PRKAG2: variants seen among roughly 807,000 people sequenced by gnomAD.
PRKAG2 encodes protein kinase AMP-activated non-catalytic subunit gamma 2.
Under a neutral mutation model 69.6 loss-of-function variants are expected in PRKAG2, and 26 were observed. The observed-to-expected ratio is 0.37, with a 90% CI of 0.27 to 0.52. The LOEUF is 0.52. Ranked by LOEUF, PRKAG2 falls within the 20% of genes least tolerant of loss-of-function variation. PRKAG2 has a pLI of 0.90. For missense variants in PRKAG2, 557 were observed against 740.0 expected, an observed-to-expected ratio of 0.75 and a Z score of 2.87; for synonymous variants, 293 against 285.0, an observed-to-expected ratio of 1.03 and a Z score of -0.28.
At position 151,558,521 on chromosome 7, in the gene PRKAG2, G is replaced by A. The variant is rs768216756; in HGVS notation, c.1679-1289C>T. On this transcript the variant is annotated intron_variant, in intron 15 of 15. Coordinates refer to ENST00000287878, the MANE Select transcript of PRKAG2 (RefSeq NM_016203.4). ...AGCGACTTGCTTACATTCAGACAGC[G>A]CTCGGGTGGGACAGCTGGGACTTGG... is the stretch of plus-strand genomic sequence containing the variant. 395 of 952,134 alleles carry A rather than the reference G, an allele frequency of 4.1e-4. 1 individual carries two copies. The highest frequency in any genetic ancestry group is 4.6e-4 in the Non-Finnish European group (370 of 799,610). 59.0% of individuals were successfully genotyped at this position (952,134 alleles called of 1,614,324 possible). A position where few individuals can be genotyped will look rare whatever the true frequency, so the allele number is the denominator to read the frequency against.
intron 1 of PRKAG2, among the ~76,000 whole-genome samples, chr7:151,858,868 G>T (rs2079848888): frequency 6.6e-6 from 1 of 152,156 alleles, no homozygotes. Flanking sequence ...AACGGAACAC[G>T]AATTCTGCCC....
At chr7:151,830,972 A>G (rs2079013532) in intron 1 of PRKAG2, among the ~76,000 whole-genome samples, 2 of 151,940 alleles carry the variant, frequency 1.3e-5, no homozygotes, top group Non-Finnish European at 2.9e-5. Flanking sequence ...ACCAATAAGT[A>G]TATGAAGATA....
chr7:151,721,836 A>G (rs561936108), intron 3 of PRKAG2, among the ~76,000 whole-genome samples: 135 of 152,210 alleles, frequency 8.9e-4, no homozygotes, highest in African/African-American at 3.1e-3. Flanking sequence ...CAGGTCCCTT[A>G]GTTCCCATGG....
intron 5 of PRKAG2, among the ~76,000 whole-genome samples, chr7:151,612,262 C>T (rs1819055170): frequency 6.6e-6 from 1 of 152,214 alleles, no homozygotes; most frequent in South Asian, 2.1e-4. Context: ...CCGCTGAGTG[C>T]ACTGCAGAGT....
intron 3 of PRKAG2, 69 bp from the exon 4 acceptor site, chr7:151,675,706 G>A: frequency 6.9e-7 from 1 of 1,452,104 alleles, no homozygotes; most frequent in Non-Finnish European, 9.6e-7. Flanking sequence ...GTGGTCAGAG[G>A]TCTGGTCTCC....
intron 3 of PRKAG2, among the ~76,000 whole-genome samples, chr7:151,680,336 G>C (rs1271871798): frequency 6.6e-6 from 1 of 152,198 alleles, no homozygotes; most frequent in Non-Finnish European, 1.5e-5. Context: ...GATAAATCAT[G>C]GCCCATCTGC....
intron 1 of PRKAG2, among the ~76,000 whole-genome samples, chr7:151,871,546 G>A (rs1376011487): frequency 1.3e-5 from 2 of 152,210 alleles, no homozygotes; most frequent in South Asian, 2.1e-4. Context: ...AAAGGCTGAA[G>A]CCAAGCAAGG....
At chr7:151,558,745 T>C (rs1804305357) in intron 15 of PRKAG2, 15 of 985,268 alleles carry the variant, frequency 1.5e-5, no homozygotes, top group Non-Finnish European at 1.8e-5. Context: ...TATGGTAACA[T>C]ACATTCCAAA....
rs547341474 is a variant in PRKAG2, at chr7:151,638,848, A to T, written c.685-6710T>A. On this transcript the variant is annotated intron_variant, in intron 4 of 15. Coordinates refer to ENST00000287878, the MANE Select transcript of PRKAG2 (RefSeq NM_016203.4). The surrounding 1 kb of genome is among the most constrained non-coding windows in gnomAD (Gnocchi z 4.3). ...CTTAAATAGCTCCTGCAAGAAATAA[A>T]TCAACCTCAAATACTGGGTAAGGAG... Among the ~76,000 whole-genome samples the T allele has an allele frequency of 1.3e-5, 2 of 152,188 alleles. No homozygotes were observed. The highest frequency in any genetic ancestry group is 2.9e-5 in the Non-Finnish European group (2 of 68,032).
intron 1 of PRKAG2, among the ~76,000 whole-genome samples, chr7:151,820,955 C>A (rs907451241): frequency 3.9e-4 from 1 of 2,544 alleles, no homozygotes; most frequent in African/African-American, 1.2e-3. Context: ...AGGACCCCCC[C>A]CAGCCAGGTA....
intron 6 of PRKAG2, among the ~76,000 whole-genome samples, chr7:151,581,080 T>C (rs2151067461): frequency 6.6e-6 from 1 of 152,206 alleles, no homozygotes; most frequent in African/African-American, 2.4e-5. Flanking sequence ...ACACATACTA[T>C]GTACCCATAA....
intron 2 of PRKAG2, among the ~76,000 whole-genome samples, chr7:151,783,760 A>G (rs2076852720): frequency 6.6e-6 from 1 of 151,360 alleles, no homozygotes; most frequent in South Asian, 2.1e-4. Flanking sequence ...AAAATACAGA[A>G]ATTAGCCAGG....
chr7:151,700,219 C>T (rs1837442765), intron 3 of PRKAG2, among the ~76,000 whole-genome samples: 1 of 152,122 alleles, frequency 6.6e-6, no homozygotes, highest in Admixed American at 6.5e-5. Context: ...AAGAAAGAGG[C>T]GTATTATACG....
Position 151,632,038 on chromosome 7 carries a change from G to A in PRKAG2, c.754+31C>T. ...CCTCGGGCGGCCGGGCCGTGGGAGC[G>A]CCGGGCCGGCAGCGGGCGGGGCGCA... On this transcript the variant is annotated intron_variant, in intron 5 of 15. Coordinates refer to ENST00000287878, the MANE Select transcript of PRKAG2 (RefSeq NM_016203.4). This position sits in a 1 kb window ranked among gnomAD's most constrained non-coding sequence, Gnocchi z 4.2. The A allele has an allele frequency of 7.6e-7, 1 of 1,323,614 alleles. No homozygotes were observed. The highest frequency in any genetic ancestry group is 9.8e-7 in the Non-Finnish European group (1 of 1,024,738). The allele number at this position is 1,323,614 out of a possible 1,614,324, so 82.0% of individuals were successfully genotyped here. A position where few individuals can be genotyped will look rare whatever the true frequency, so the allele number is the denominator to read the frequency against.
intron 3 of PRKAG2, among the ~76,000 whole-genome samples, chr7:151,703,808 G>A (rs1034771719): frequency 1.4e-5 from 2 of 143,852 alleles, no homozygotes; most frequent in Admixed American, 1.4e-4. Context: ...TTTGAGACCA[G>A]CCTAACCAAC....
intron 5 of PRKAG2, among the ~76,000 whole-genome samples, chr7:151,608,021 TAA>T (rs754942797): frequency 6.6e-6 from 1 of 151,988 alleles, no homozygotes; most frequent in South Asian, 2.1e-4. Flanking sequence ...AGTGTCCTTA[TAA>T]GAGAGAGAGA....
At chr7:151,686,964 C>T (rs1352470073) in intron 3 of PRKAG2, among the ~76,000 whole-genome samples, 1 of 151,954 alleles carries the variant, frequency 6.6e-6, no homozygotes, top group Admixed American at 6.6e-5. Context: ...GGAATTTTTC[C>T]AAGGTTATTC....
At chr7:151,858,588 G>GA (rs2079842813) in intron 1 of PRKAG2, among the ~76,000 whole-genome samples, 1 of 152,170 alleles carries the variant, frequency 6.6e-6, no homozygotes, top group South Asian at 2.1e-4. Context: ...GCTACAGGAA[G>GA]AGAGAGTCAC....
At chr7:151,824,777 C>T (rs1164120022) in intron 1 of PRKAG2, among the ~76,000 whole-genome samples, 1 of 152,214 alleles carries the variant, frequency 6.6e-6, no homozygotes, top group Non-Finnish European at 1.5e-5. Context: ...TCTGTCCTGG[C>T]TTGCTGCTGA....
Sources: allele counts gnomAD v4.1 joint callset (sites outside exome capture counted in the v4.1 genomes callset), GRCh38; gene constraint gnomAD v4.1.1; non-coding constraint Gnocchi (gnomAD v3.1); transcripts MANE v1.5; gene names NCBI Gene and HGNC (gene_info 2026-07-23, HGNC 2026-07-21).